Variants in GALNT13 observed in about 807,000 individuals in gnomAD.
The protein encoded by GALNT13 is polypeptide N-acetylgalactosaminyltransferase 13.
A neutral mutation model predicts 64.2 loss-of-function variants in GALNT13; 28 were observed. The ratio of observed to expected loss-of-function variants is 0.44; its 90% CI spans 0.32 to 0.60. The LOEUF (loss-of-function observed/expected upper bound fraction) is 0.60, where lower values mean the gene tolerates loss of function less well. GALNT13 is among the 20% of genes least tolerant of loss of function. The pLI, the probability that GALNT13 is intolerant of heterozygous loss-of-function variation, is 0.05. For synonymous variants in GALNT13, 214 were observed against 224.6 expected, an observed-to-expected ratio of 0.95 and a Z score of 0.42; for missense variants, 577 against 669.8, an observed-to-expected ratio of 0.86 and a Z score of 1.53.
At chr2:154,111,342 C>A (rs1702975546) in intron 3 of GALNT13, among the ~76,000 whole-genome samples, 1 of 152,258 alleles carries the variant, frequency 6.6e-6, no homozygotes, top group Non-Finnish European at 1.5e-5. Context: ...AAGAGACACC[C>A]TGATAGATCT....
chr2:154,358,562 G>C (rs1421635654), intron 9 of GALNT13, among the ~76,000 whole-genome samples: 1 of 151,904 alleles, frequency 6.6e-6, no homozygotes, highest in East Asian at 1.9e-4. Context: ...TTCTAAAATG[G>C]GAGGTTTATA....
chr2:153,294,627 A>T, the GALNT13 span, among the ~76,000 whole-genome samples: 4 of 152,128 alleles, frequency 2.6e-5, no homozygotes, highest in East Asian at 7.7e-4. Context: ...AATGTGAGGG[A>T]GCTGGGGCTG....
chr2:154,282,266 A>G (rs1358560869), intron 8 of GALNT13, among the ~76,000 whole-genome samples: 3 of 152,098 alleles, frequency 2.0e-5, no homozygotes, highest in Non-Finnish European at 4.4e-5. Flanking sequence ...GAATTCCCAT[A>G]TTTGAGGGGG....
At chr2:154,391,977 G>A (rs1029707604) in intron 9 of GALNT13, among the ~76,000 whole-genome samples, 1 of 152,114 alleles carries the variant, frequency 6.6e-6, no homozygotes. Context: ...GCAAAGACTT[G>A]GACCAAGTAA....
intron 9 of GALNT13, among the ~76,000 whole-genome samples, chr2:154,327,157 G>A (rs1559092516): frequency 6.6e-6 from 1 of 151,978 alleles, no homozygotes; most frequent in African/African-American, 2.4e-5. Flanking sequence ...CACGAGATCT[G>A]ACGGTTTTAT....
At chr2:153,401,965 T>A in the GALNT13 span, among the ~76,000 whole-genome samples, 1 of 149,270 alleles carries the variant, frequency 6.7e-6, no homozygotes, top group Non-Finnish European at 1.5e-5. Context: ...TTTGATCCTG[T>A]CATTATGATG....
chr2:153,646,566 A>C, the GALNT13 span, among the ~76,000 whole-genome samples: 1 of 151,556 alleles, frequency 6.6e-6, no homozygotes, highest in Non-Finnish European at 1.5e-5. Flanking sequence ...GCACCCATTA[A>C]CTCGTCATTT....
chr2:153,690,769 A>G, the GALNT13 span, among the ~76,000 whole-genome samples: 105 of 152,130 alleles, frequency 6.9e-4, no homozygotes, highest in Non-Finnish European at 1.1e-3. Flanking sequence ...ATATTCCCCT[A>G]AAAAAGGAAC....
intron 8 of GALNT13, among the ~76,000 whole-genome samples, chr2:154,264,662 A>C (rs1365836658): frequency 1.3e-5 from 2 of 151,934 alleles, no homozygotes; most frequent in Admixed American, 1.3e-4. Flanking sequence ...CAAAACCCAC[A>C]GATTAAAGAA....
intron 7 of GALNT13, among the ~76,000 whole-genome samples, chr2:154,255,671 T>G (rs115190304): frequency 6.6e-6 from 1 of 151,948 alleles, no homozygotes; most frequent in Non-Finnish European, 1.5e-5. Flanking sequence ...AGCTAGAGAT[T>G]GAAGGAGTTT....
the GALNT13 span, among the ~76,000 whole-genome samples, chr2:153,376,384 G>A: frequency 6.6e-6 from 1 of 152,152 alleles, no homozygotes. Flanking sequence ...TTCACTTAGG[G>A]CCTTTCAAAG....
chr2:153,493,838 GA>G, the GALNT13 span, among the ~76,000 whole-genome samples: 1 of 150,220 alleles, frequency 6.7e-6, no homozygotes, highest in Admixed American at 6.6e-5. Flanking sequence ...TTCACATCAA[GA>G]AAAAAAAATC....
At chr2:153,083,455 G>A in the GALNT13 span, among the ~76,000 whole-genome samples, 2 of 151,974 alleles carry the variant, frequency 1.3e-5, no homozygotes, top group African/African-American at 2.4e-5. Flanking sequence ...AGGTGGTATC[G>A]CATTGTGGTT....
chr2:154,332,127 G>A (rs2105196555), intron 9 of GALNT13, among the ~76,000 whole-genome samples: 1 of 152,190 alleles, frequency 6.6e-6, no homozygotes, highest in East Asian at 1.9e-4. Context: ...CTTAGCCTCT[G>A]TATCTTTATA....
chr2:153,190,398 A>G, the GALNT13 span, among the ~76,000 whole-genome samples: 1 of 152,004 alleles, frequency 6.6e-6, no homozygotes, highest in Non-Finnish European at 1.5e-5. Flanking sequence ...CTTTCAATAC[A>G]GGAGTTTATT....
intron 9 of GALNT13, among the ~76,000 whole-genome samples, chr2:154,381,614 G>A (rs1474698818): frequency 6.6e-6 from 1 of 152,008 alleles, no homozygotes; most frequent in Non-Finnish European, 1.5e-5. Flanking sequence ...AAGGAACAGA[G>A]GTTAAGGACA....
At chr2:153,873,848 GTCTC>G (rs752475953) in intron 1 of GALNT13, among the ~76,000 whole-genome samples, 2 of 150,752 alleles carry the variant, frequency 1.3e-5, no homozygotes, top group Non-Finnish European at 3.0e-5. Context: ...CTTTTTCTGT[GTCTC>G]TCTCTCTCGC....
At chr2:153,774,636 C>T in the GALNT13 span, among the ~76,000 whole-genome samples, 1 of 152,092 alleles carries the variant, frequency 6.6e-6, no homozygotes, top group African/African-American at 2.4e-5. Context: ...TGGCTCACAC[C>T]TGTAATCATA....
the GALNT13 span, among the ~76,000 whole-genome samples, chr2:153,492,052 T>C: frequency 1.2e-4 from 18 of 152,178 alleles, no homozygotes; most frequent in African/African-American, 3.9e-4. Flanking sequence ...GTGACTAAAA[T>C]GGCAAACTAC....
Sources: gnomAD v4.1 joint callset for allele counts (sites outside exome capture counted in the v4.1 genomes callset) on GRCh38, gnomAD v4.1.1 for gene constraint, MANE v1.5 for transcripts, NCBI Gene and HGNC (gene_info 2026-07-23, HGNC 2026-07-21) for gene names.